Variants in CHD6 observed in about 807,000 individuals in gnomAD.
CHD6 encodes chromodomain helicase DNA binding protein 6, also known as ATP-dependent chromatin remodeler CHD6.
Under a neutral mutation model 276.9 loss-of-function variants are expected in CHD6, and 50 were observed. The observed-to-expected ratio is 0.18, with a 90% CI of 0.14 to 0.23. The LOEUF is 0.23. Among genes scored for constraint, CHD6 ranks in the 10% least tolerant of loss-of-function variants. The probability of loss-of-function intolerance (pLI) is 1.00; values close to 1 mark genes in which losing one functional copy is unlikely to be tolerated. For synonymous variants in CHD6, 1,173 were observed against 1,229.3 expected, an observed-to-expected ratio of 0.95 and a Z score of 0.96; for missense variants, 2,564 against 3,365.8, an observed-to-expected ratio of 0.76 and a Z score of 5.89.
chr20:41,558,586 A>G (rs572963534), intron 1 of CHD6, among the ~76,000 whole-genome samples: 2 of 152,356 alleles, frequency 1.3e-5, no homozygotes, highest in Non-Finnish European at 2.9e-5. Context: ...CCAAGTTTCA[A>G]TCAGAACATT....
chr20:41,570,346 G>A (rs929674494), intron 1 of CHD6, among the ~76,000 whole-genome samples: 2 of 152,178 alleles, frequency 1.3e-5, no homozygotes, highest in African/African-American at 4.8e-5. Context: ...CTCAAAGAGA[G>A]GAATATAAAA....
chr20:41,525,290 CA>C (rs969848952), intron 3 of CHD6, among the ~76,000 whole-genome samples: 14 of 152,158 alleles, frequency 9.2e-5, no homozygotes, highest in African/African-American at 3.4e-4. Flanking sequence ...GCAAACTGCC[CA>C]ATATCCTTAG....
intron 5 of CHD6, among the ~76,000 whole-genome samples, chr20:41,504,977 C>T (rs1227446700): frequency 6.6e-5 from 10 of 152,126 alleles, no homozygotes; most frequent in Non-Finnish European, 1.5e-4. Context: ...GGGGTGGTCC[C>T]TTTGATCCAG....
At chr20:41,424,909 C>G (rs2047312577) in intron 29 of CHD6, among the ~76,000 whole-genome samples, 2 of 152,190 alleles carry the variant, frequency 1.3e-5, no homozygotes, top group Non-Finnish European at 2.9e-5. Context: ...TAAACCACAT[C>G]CCCAGAGACT....
Position 41,403,461 on chromosome 20 carries a change from C to T in CHD6, c.*1132G>A, listed in dbSNP as rs910802265. ...ATAATGTTGACTTGCAATGTAGTTT[C>T]GATTAACTGATAATTTGGAATTTGG... On this transcript the variant is annotated 3_prime_UTR_variant, in exon 37 of 37. Transcript: ENST00000373233. 5.7e-6 allele frequency: 6 copies of T among 1,061,232 alleles called. No individual in the cohort carries two copies. Among genetic ancestry groups the T allele is most frequent in the African/African-American group, 1.6e-5 (1 of 60,796 alleles). 65.7% of individuals were successfully genotyped at this position (1,061,232 alleles called of 1,614,324 possible).
intron 30 of CHD6, among the ~76,000 whole-genome samples, chr20:41,422,395 TGA>T (rs752962309): frequency 1.4e-4 from 22 of 152,198 alleles, no homozygotes; most frequent in Non-Finnish European, 2.5e-4. Context: ...CCCAGCACTT[TGA>T]GAGGCAGAGG....
rs765111197 is a variant in CHD6 at position 41,416,615 on chromosome 20, G to A, written c.6459C>T (p.Gly2153=). 165 of 1,612,908 alleles carry A rather than the reference G, an allele frequency of 1.0e-4. No individual in the cohort carries two copies. The highest frequency in any genetic ancestry group is 1.4e-4 in the Non-Finnish European group (162 of 1,179,798). ...TGTGGATCTGGGCCGCCAATGCTGC[G>A]CCGTTGCTGAAGCTGTGTTCTGCTG... The part of the protein sequence containing the change: ...PEAAEHSFSN[G]AALAAQIHKE... Residue 2153 remains glycine, a synonymous_variant, in exon 33 of 37, where the codon GGC becomes GGT. Transcript: ENST00000373233.
At position 41,404,954 on chromosome 20, in the gene CHD6, T is replaced by C; in HGVS notation, c.7787A>G (p.Gln2596Arg). The C allele has an allele frequency of 6.2e-7, 1 of 1,614,236 alleles. No individual in the cohort carries two copies. The highest frequency in any genetic ancestry group is 8.5e-7 in the Non-Finnish European group (1 of 1,180,040). The change falls in exon 37 of 37, where the codon CAG becomes CGG. Residue 2596 changes from glutamine (Q) to arginine (R), a missense_variant. Physicochemically the swap from Gln to Arg is conservative, Grantham distance 43. Coordinates refer to ENST00000373233, the MANE Select transcript of CHD6 (RefSeq NM_032221.5). ...DKPGPGPFSD[Q>R]SEPAITTSSP... ...ACTAGTAGTTATTGCAGGTTCAGAC[T>C]GATCAGAAAATGGACCTGGACCAGG...
chr20:41,596,970 T>C (rs1186874114), intron 1 of CHD6, among the ~76,000 whole-genome samples: 1 of 152,114 alleles, frequency 6.6e-6, no homozygotes, highest in Non-Finnish European at 1.5e-5. Context: ...CTGTCCGCTC[T>C]ACAACAAAGT....
In CHD6 at chr20:41,413,508, T is replaced by A. The variant is rs143152984; in HGVS notation, c.6947A>T (p.His2316Leu). 1.3e-6 allele frequency: 2 copies of A among 1,552,498 alleles called. No individual in the cohort carries two copies. The highest frequency in any genetic ancestry group is 2.4e-5 in the South Asian group (2 of 83,056). ...CAAGGTGGCCTGCCCTGGGTCTTCA[T>A]GGACTTCCTGGATGAAGGAAAAACG... The part of the protein sequence containing the change: ...QTLQAGILEV[H>L]EDPGQATLST... The change falls in exon 35 of 37, where the codon CAT (histidine) becomes CTT (leucine). Residue 2316 changes from histidine (H) to leucine (L), a missense_variant. Transcript: ENST00000373233.
chr20:41,470,649 G>C (rs1044674886), intron 17 of CHD6, among the ~76,000 whole-genome samples: 2 of 152,188 alleles, frequency 1.3e-5, no homozygotes, highest in African/African-American at 2.4e-5. Flanking sequence ...CTACTCCAAA[G>C]CTTCTCCCTT....
At chr20:41,474,954 T>C (rs1401487887) in intron 16 of CHD6, among the ~76,000 whole-genome samples, 1 of 152,188 alleles carries the variant, frequency 6.6e-6, no homozygotes, top group Non-Finnish European at 1.5e-5. Context: ...TCCTCTTTAT[T>C]TAAAATTATA....
intron 25 of CHD6, among the ~76,000 whole-genome samples, chr20:41,440,382 T>C (rs1299084215): frequency 1.3e-5 from 2 of 152,224 alleles, no homozygotes; most frequent in African/African-American, 4.8e-5. Context: ...GACAATTGTA[T>C]AGATACACAA....
In CHD6 at chr20:41,487,731, C is replaced by T. The variant is rs1395272889; in HGVS notation, c.1935G>A (p.Glu645=). The change falls in exon 14 of 37, where the codon GAG becomes GAA. Residue 645 remains glutamate (E), a synonymous_variant. Coordinates refer to ENST00000373233, the MANE Select transcript of CHD6 (RefSeq NM_032221.5). ...EELFSLLNFL[E]PSQFPSETAF... Reference sequence around the variant, plus strand: ...CGGTCTCTGAAGGAAACTGTGATGGCTCCAGAAAATTTAACAAACTGAAGA... The same window carrying T: ...CGGTCTCTGAAGGAAACTGTGATGGTTCCAGAAAATTTAACAAACTGAAGA... 1.9e-6 allele frequency: 3 copies of T among 1,612,312 alleles called. No individual in the cohort carries two copies.
chr20:41,434,088 G>A (rs1265271069), intron 27 of CHD6, among the ~76,000 whole-genome samples: 2 of 152,138 alleles, frequency 1.3e-5, no homozygotes, highest in Admixed American at 6.5e-5. Context: ...TACATTAAGT[G>A]TAAATGGTCT....
rs2046618737 is a variant in CHD6 at position 41,404,680 on chromosome 20, T to C, written c.8061A>G (p.Glu2687=). ...REPSGDENCA[E]PSAPLPAERE... is the part of the protein sequence containing the mutation. The stretch of plus-strand genomic sequence containing the variant: ...TCTCTGCGGGCAAAGGGGCACTGGG[T>C]TCGGCACAGTTCTCATCACCGCTGG... The change falls in exon 37 of 37, where the codon GAA becomes GAG. Residue 2687 remains glutamate (E), a synonymous_variant. Coordinates refer to ENST00000373233, the MANE Select transcript of CHD6 (RefSeq NM_032221.5). 7 of 1,572,406 alleles carry C rather than the reference T, an allele frequency of 4.5e-6. No individual in the cohort carries two copies. The highest frequency in any genetic ancestry group is 1.2e-5 in the South Asian group (1 of 84,872).
chr20:41,440,645 C>G (rs2047872186), intron 25 of CHD6, among the ~76,000 whole-genome samples: 1 of 152,162 alleles, frequency 6.6e-6, no homozygotes, highest in South Asian at 2.1e-4. Flanking sequence ...CCACACTGGC[C>G]AGGGCTTTGG....
chr20:41,454,665 A>G lies in CHD6; in HGVS notation c.3081T>C (p.Ala1027=), dbSNP rs1600899035. ...CTTCAGTGTCTAGTTCAGCTATTTTAGCCCATTTCTGCCAAAAGTTAGGAT... is the reference window on the plus strand; with the variant it reads ...CTTCAGTGTCTAGTTCAGCTATTTTGGCCCATTTCTGCCAAAAGTTAGGAT... ...LDDPNFWQKW[A]KIAELDTEAK... is the part of the protein sequence containing the mutation. The change falls in exon 20 of 37, where the codon GCT becomes GCC. Residue 1027 remains alanine, a synonymous_variant. Coordinates refer to ENST00000373233, the MANE Select transcript of CHD6 (RefSeq NM_032221.5). 6 of 1,613,910 alleles carry G rather than the reference A, an allele frequency of 3.7e-6. No individual in the cohort carries two copies. The highest frequency in any genetic ancestry group is 4.2e-6 in the Non-Finnish European group (5 of 1,179,878).
intron 1 of CHD6, among the ~76,000 whole-genome samples, chr20:41,583,372 T>A (rs2045560702): frequency 6.6e-6 from 1 of 151,408 alleles, no homozygotes. Flanking sequence ...CAGAGGACAA[T>A]GGAGTAATTC....
Sources: allele counts gnomAD v4.1 joint callset (sites outside exome capture counted in the v4.1 genomes callset), GRCh38; gene constraint gnomAD v4.1.1; transcripts MANE v1.5; gene names NCBI Gene and HGNC (gene_info 2026-07-23, HGNC 2026-07-21).